Variants in KLHL29 observed in about 807,000 individuals in gnomAD.
KLHL29 encodes the protein kelch-like protein 29.
A neutral mutation model predicts 80.4 loss-of-function variants in KLHL29; 21 were observed. The observed-to-expected ratio is 0.26, with a 90% CI of 0.19 to 0.38. The LOEUF (loss-of-function observed/expected upper bound fraction) is 0.38, where lower values mean the gene tolerates loss of function less well. Among genes scored for constraint, KLHL29 ranks in the 10% least tolerant of loss-of-function variants. The probability of loss-of-function intolerance (pLI) is 1.00; values close to 1 mark genes in which losing one functional copy is unlikely to be tolerated. For missense variants in KLHL29, 867 were observed against 1,223.9 expected, an observed-to-expected ratio of 0.71 and a Z score of 4.35; for synonymous variants, 511 against 526.8, an observed-to-expected ratio of 0.97 and a Z score of 0.41.
intron 2 of KLHL29, among the ~76,000 whole-genome samples, chr2:23,496,249 G>A (rs1665263094): frequency 6.6e-6 from 1 of 152,162 alleles, no homozygotes; most frequent in African/African-American, 2.4e-5. Context: ...GACAGCCCTG[G>A]ATACCACTTA....
intron 3 of KLHL29, among the ~76,000 whole-genome samples, chr2:23,595,184 G>A (rs1430277513): frequency 6.6e-6 from 1 of 152,164 alleles, no homozygotes; most frequent in Non-Finnish European, 1.5e-5. Context: ...GCCTGGGAAG[G>A]GAAGGGGCTG....
rs924842523 is a variant in KLHL29, at chr2:23,695,367, A to C, written c.1543-256A>C. On this transcript the variant is annotated intron_variant, in intron 8 of 13. Coordinates refer to ENST00000486442, the MANE Select transcript of KLHL29 (RefSeq NM_052920.2). The surrounding 1 kb of genome is among the most constrained non-coding windows in gnomAD (Gnocchi z 7.6). ...AATGGGGTGCTGGGGGGATGAACAC[A>C]TGCTCCCACTCCTGCAGGGCTGGCT... Among the ~76,000 whole-genome samples the C allele has an allele frequency of 3.3e-5, 5 of 151,670 alleles. No individual in the cohort carries two copies. Among genetic ancestry groups the C allele is most frequent in the African/African-American group, 1.2e-4 (5 of 41,250 alleles).
In KLHL29 at chr2:23,386,592, G is replaced by T. The variant is rs540176236; in HGVS notation, c.-154+812G>T. Among the ~76,000 whole-genome samples the T allele has an allele frequency of 3.9e-5, 6 of 152,264 alleles. No homozygotes were observed. The South Asian group carries it at 1.2e-3, about 31-fold the overall frequency. On this transcript the variant is annotated intron_variant, in intron 1 of 13. Coordinates refer to ENST00000486442, the MANE Select transcript of KLHL29 (RefSeq NM_052920.2). ...GGGTGGACCTGGAGATGTGTAGTGT[G>T]GGAGTGTGAACGCGCGCCCCGATGG... is the stretch of plus-strand genomic sequence containing the variant.
In KLHL29 at chr2:23,467,651, G is replaced by C. The variant is rs533618068; in HGVS notation, c.-153-7909G>C. Among the ~76,000 whole-genome samples the C allele has an allele frequency of 2.0e-5, 3 of 152,190 alleles. No individual in the cohort carries two copies. In the South Asian group the frequency reaches 6.2e-4, roughly 31 times the overall value. On this transcript the variant is annotated intron_variant, in intron 1 of 13. Coordinates refer to ENST00000486442, the MANE Select transcript of KLHL29 (RefSeq NM_052920.2). Reference sequence around the variant, plus strand: ...GGGGTTTTTGGCCACTGGCTCTGTAGGCTTGGGCTCAAAGGAAAGGCAGAA... The same window carrying C: ...GGGGTTTTTGGCCACTGGCTCTGTACGCTTGGGCTCAAAGGAAAGGCAGAA...
chr2:23,504,089 C>T (rs1426389022), intron 2 of KLHL29, among the ~76,000 whole-genome samples: 2 of 152,164 alleles, frequency 1.3e-5, no homozygotes, highest in Non-Finnish European at 2.9e-5. Context: ...CAGCTCAGGC[C>T]AGTAATGGGT....
intron 2 of KLHL29, among the ~76,000 whole-genome samples, chr2:23,555,097 G>A (rs527557646): frequency 1.9e-4 from 29 of 150,252 alleles, no homozygotes; most frequent in Middle Eastern, 3.4e-3. Flanking sequence ...CCCCTGTGTC[G>A]TGGGTATTTA....
intron 1 of KLHL29, among the ~76,000 whole-genome samples, chr2:23,410,389 A>G (rs1301198342): frequency 3.3e-5 from 5 of 152,104 alleles, no homozygotes; most frequent in Non-Finnish European, 5.9e-5. Context: ...TGACCCCTAG[A>G]TTACTGGATG....
At chr2:23,580,242 G>A (rs1328928724) in intron 3 of KLHL29, among the ~76,000 whole-genome samples, 1 of 152,018 alleles carries the variant, frequency 6.6e-6, no homozygotes, top group Non-Finnish European at 1.5e-5. Flanking sequence ...CATGGTGGCA[G>A]GCGCCTGTAG....
chr2:23,528,869 G>A (rs1411017261), intron 2 of KLHL29, among the ~76,000 whole-genome samples: 3 of 152,238 alleles, frequency 2.0e-5, no homozygotes, highest in African/African-American at 7.2e-5. Context: ...CCCTGGCGGT[G>A]CTGCCGTGTG....
At chr2:23,587,016 TC>T (rs1162217482) in intron 3 of KLHL29, among the ~76,000 whole-genome samples, 1 of 152,258 alleles carries the variant, frequency 6.6e-6, no homozygotes, top group African/African-American at 2.4e-5. Context: ...TAACTCTTTG[TC>T]CCAGAGTTGT....
At chr2:23,590,197 G>A (rs372460126) in intron 3 of KLHL29, among the ~76,000 whole-genome samples, 2 of 152,228 alleles carry the variant, frequency 1.3e-5, no homozygotes, top group Non-Finnish European at 1.5e-5. Flanking sequence ...CCCCTTGCCC[G>A]CTTTTCTTCT....
Position 23,654,703 on chromosome 2 carries a change from G to GC in KLHL29, c.940+11853_940+11854insC, listed in dbSNP as rs1284518209. On this transcript the variant is annotated intron_variant, in intron 5 of 13. Transcript: ENST00000486442. ...CCAGAAGGGAACAGAGGTTGGGGGG[G>GC]GGGGGTGGATGTTTTGTATGTGCCT... Among the ~76,000 whole-genome samples the GC allele has an allele frequency of 3.6e-5, 4 of 111,754 alleles. 1 individual carries two copies. Among genetic ancestry groups the GC allele is most frequent in the Admixed American group, 9.6e-5 (1 of 10,382 alleles). 73.3% of individuals were successfully genotyped at this position (111,754 alleles called of 152,430 possible). A position where few individuals can be genotyped will look rare whatever the true frequency, so the allele number is the denominator to read the frequency against.
intron 5 of KLHL29, among the ~76,000 whole-genome samples, chr2:23,663,732 T>TTA (rs1670482546): frequency 6.6e-6 from 1 of 152,222 alleles, no homozygotes; most frequent in Admixed American, 6.5e-5. Flanking sequence ...GGTAGAATCA[T>TTA]TATAAAGCAC....
intron 2 of KLHL29, among the ~76,000 whole-genome samples, chr2:23,517,320 G>GGATC (rs1333549091): frequency 2.0e-5 from 3 of 152,234 alleles, no homozygotes; most frequent in Non-Finnish European, 2.9e-5. Flanking sequence ...CGAGGCGGGT[G>GGATC]GATCATGAGG....
chr2:23,602,860 GC>G (rs1259870926), intron 3 of KLHL29, among the ~76,000 whole-genome samples: 9 of 152,286 alleles, frequency 5.9e-5, no homozygotes, highest in African/African-American at 1.7e-4. Context: ...GCCCAGGGGA[GC>G]CACACCCCAT....
At chr2:23,531,485 C>G (rs1409657048) in intron 2 of KLHL29, among the ~76,000 whole-genome samples, 1 of 152,216 alleles carries the variant, frequency 6.6e-6, no homozygotes, top group Non-Finnish European at 1.5e-5. Context: ...CCTCAGTGAG[C>G]TGAGACCCTG....
chr2:23,605,500 G>A (rs11687192), intron 3 of KLHL29, among the ~76,000 whole-genome samples: 61,302 of 151,856 alleles, frequency 0.4, 12,572 homozygotes, highest in East Asian at 0.64. Flanking sequence ...AGCCCCCGGC[G>A]CCCCAGGAAC....
At chr2:23,526,296 G>A (rs1229551089) in intron 2 of KLHL29, among the ~76,000 whole-genome samples, 15 of 151,904 alleles carry the variant, frequency 9.9e-5, no homozygotes, top group Non-Finnish European at 2.1e-4. Context: ...CAGGGGAGGG[G>A]AAACCAGAGC....
chr2:23,423,021 T>C (rs1442426568), intron 1 of KLHL29, among the ~76,000 whole-genome samples: 1 of 152,222 alleles, frequency 6.6e-6, no homozygotes, highest in Non-Finnish European at 1.5e-5. Context: ...AAGCAGCCCT[T>C]GAATGGGTCT....
Sources: allele counts gnomAD v4.1 joint callset (sites outside exome capture counted in the v4.1 genomes callset), GRCh38; gene constraint gnomAD v4.1.1; non-coding constraint Gnocchi (gnomAD v3.1); transcripts MANE v1.5; gene names NCBI Gene and HGNC (gene_info 2026-07-23, HGNC 2026-07-21).